SHTN1: variants seen among roughly 807,000 people sequenced by gnomAD.
SHTN1 encodes the protein shootin 1, also known as shootin-1.
Under a neutral mutation model 83.1 loss-of-function variants are expected in SHTN1, and 42 were observed. The observed-to-expected ratio is 0.51, with a 90% CI of 0.39 to 0.65. The LOEUF (loss-of-function observed/expected upper bound fraction) is 0.65. Among genes scored for constraint, SHTN1 ranks in the 30% least tolerant of loss-of-function variants. The pLI is 0.00. For synonymous variants in SHTN1, 224 were observed against 247.7 expected (o/e 0.90, Z 0.90); for missense variants, 622 against 737.8 (o/e 0.84, Z 1.82).
At chr10:116,993,680 T>C (rs868208662) in intron 1 of SHTN1, among the ~76,000 whole-genome samples, 1 of 152,128 alleles carries the variant, frequency 6.6e-6, no homozygotes, top group African/African-American at 2.4e-5. Context: ...TCTCATAAAA[T>C]TTTCCAAGCA....
intron 1 of SHTN1, among the ~76,000 whole-genome samples, chr10:117,112,560 ATAT>A (rs1375335432): frequency 6.6e-5 from 10 of 152,354 alleles, no homozygotes; most frequent in African/African-American, 2.4e-4. Context: ...CCTGAAGTAG[ATAT>A]TATTATTCTG....
chr10:117,091,613 A>G (rs943851669), intron 1 of SHTN1, among the ~76,000 whole-genome samples: 30 of 152,210 alleles, frequency 2.0e-4, no homozygotes, highest in Non-Finnish European at 2.9e-5. Flanking sequence ...GCCTCTCTTA[A>G]CAGGTAAGCA....
At chr10:116,892,453 A>C (rs1346542542) in intron 16 of SHTN1, among the ~76,000 whole-genome samples, 1 of 152,180 alleles carries the variant, frequency 6.6e-6, no homozygotes, top group Non-Finnish European at 1.5e-5. Context: ...ATCATGGAAA[A>C]TCCACTCAGA....
chr10:117,053,383 C>T lies in SHTN1; in HGVS notation c.-188-4873G>A, dbSNP rs1308787055. On this transcript the variant is annotated intron_variant, in intron 1 of 17. Transcript: ENST00000392901. ...TATATATCTAATAATGGTCTAATAA[C>T]TAGAATATATAATACTTTTATAACT... 2.6e-5 allele frequency among the ~76,000 whole-genome samples: 4 copies of T among 151,938 alleles called. No homozygotes were observed. In the East Asian group the frequency reaches 7.7e-4, roughly 29 times the overall value.
intron 14 of SHTN1, among the ~76,000 whole-genome samples, chr10:116,907,645 T>C (rs1449917940): frequency 6.6e-6 from 1 of 152,198 alleles, no homozygotes; most frequent in African/African-American, 2.4e-5. Context: ...TCAACAAGTC[T>C]TTCATCAGAG....
intron 1 of SHTN1, among the ~76,000 whole-genome samples, chr10:117,121,768 C>A (rs534908896): frequency 6.6e-6 from 1 of 151,790 alleles, no homozygotes. Context: ...TGCGGTGGCT[C>A]ACGCCTGTAA....
chr10:116,882,246 ATTATTT>A lies in SHTN1; in HGVS notation c.*4092_*4097del, dbSNP rs1418435782. The stretch of plus-strand genomic sequence containing the variant: ...CTTTTTAAATTTTAGTTTTTCTTGT[ATTATTT>A]TTATCTTTGCGAGTCTTCTTAGATC... On this transcript the variant is annotated 3_prime_UTR_variant, in exon 17 of 17. Coordinates refer to ENST00000355371, the MANE Select transcript of SHTN1 (RefSeq NM_001127211.3). 2.0e-5 allele frequency: 3 copies of A among 151,912 alleles called. No homozygotes were observed. Among genetic ancestry groups the A allele is most frequent in the African/African-American group, 7.3e-5 (3 of 41,308 alleles). 9.4% of individuals were successfully genotyped at this position (151,912 alleles called of 1,614,324 possible). A position where few individuals can be genotyped will look rare whatever the true frequency, so the allele number is the denominator to read the frequency against.
intron 5 of SHTN1, 92 bp from the exon 6 acceptor site, chr10:116,952,098 T>C (rs974237330): frequency 3.7e-6 from 2 of 544,588 alleles, no homozygotes; most frequent in African/African-American, 3.9e-5. Flanking sequence ...CCAGTCCATG[T>C]GCAGCTTATG....
At chr10:116,958,070 A>C (rs1850047204) in intron 4 of SHTN1, among the ~76,000 whole-genome samples, 1 of 152,242 alleles carries the variant, frequency 6.6e-6, no homozygotes, top group Non-Finnish European at 1.5e-5. Flanking sequence ...AAAAAGAAAA[A>C]AAAGAAAATT....
At chr10:116,892,204 A>C (rs1400304017) in intron 16 of SHTN1, among the ~76,000 whole-genome samples, 2 of 152,184 alleles carry the variant, frequency 1.3e-5, no homozygotes, top group African/African-American at 2.4e-5. Flanking sequence ...GGAGCCTTGT[A>C]GCTTGTACCT....
chr10:116,967,593 C>T (rs983693182), intron 3 of SHTN1, among the ~76,000 whole-genome samples: 3 of 152,154 alleles, frequency 2.0e-5, no homozygotes, highest in African/African-American at 7.2e-5. Context: ...TCTTTATTTA[C>T]TTATTTTCTT....
intron 1 of SHTN1, among the ~76,000 whole-genome samples, chr10:117,073,092 T>C (rs936056019): frequency 1.3e-5 from 2 of 152,098 alleles, no homozygotes; most frequent in African/African-American, 2.4e-5. Context: ...GCAATAGAAT[T>C]GAACAAGTAA....
At chr10:117,086,948 C>T (rs754703569) in intron 1 of SHTN1, among the ~76,000 whole-genome samples, 4 of 152,150 alleles carry the variant, frequency 2.6e-5, no homozygotes, top group Non-Finnish European at 4.4e-5. Flanking sequence ...CTTATACACG[C>T]TGCAACATGA....
At chr10:117,058,389 G>C (rs1402027562) in intron 1 of SHTN1, among the ~76,000 whole-genome samples, 1 of 152,036 alleles carries the variant, frequency 6.6e-6, no homozygotes, top group Non-Finnish European at 1.5e-5. Context: ...TTTTTCCAAA[G>C]AAGATATACA....
intron 2 of SHTN1, among the ~76,000 whole-genome samples, chr10:117,041,584 G>A (rs753485683): frequency 2.8e-4 from 42 of 152,162 alleles, no homozygotes; most frequent in Non-Finnish European, 4.7e-4. Context: ...AAGAGGGAAA[G>A]GAGGTTCACT....
At chr10:117,089,805 T>C (rs901654848) in intron 1 of SHTN1, among the ~76,000 whole-genome samples, 4 of 152,158 alleles carry the variant, frequency 2.6e-5, no homozygotes, top group Admixed American at 2.6e-4. Context: ...TCATTCATTA[T>C]GGAAATACTA....
chr10:116,991,011 C>T (rs551748652), intron 1 of SHTN1, among the ~76,000 whole-genome samples: 82 of 152,088 alleles, frequency 5.4e-4, no homozygotes, highest in African/African-American at 1.9e-3. Context: ...ATGGTGAAAC[C>T]CTGTCTCTAC....
At chr10:116,995,056 A>G (rs1851580485) in intron 1 of SHTN1, among the ~76,000 whole-genome samples, 1 of 152,132 alleles carries the variant, frequency 6.6e-6, no homozygotes, top group Admixed American at 6.5e-5. Flanking sequence ...ATATCTCACA[A>G]ACAACCAAAT....
intron 1 of SHTN1, among the ~76,000 whole-genome samples, chr10:117,065,548 T>C (rs1852964271): frequency 6.6e-6 from 1 of 150,606 alleles, no homozygotes; most frequent in Non-Finnish European, 1.5e-5. Flanking sequence ...TGAAACCCCC[T>C]CTCTACCAAA....
Sources: allele counts gnomAD v4.1 joint callset (sites outside exome capture counted in the v4.1 genomes callset), GRCh38; gene constraint gnomAD v4.1.1; transcripts MANE v1.5; gene names NCBI Gene and HGNC (gene_info 2026-07-23, HGNC 2026-07-21).